The following THSD7A variants were observed in gnomAD, a reference collection of about 807,000 sequenced individuals.
THSD7A encodes thrombospondin type 1 domain containing 7A.
Under a neutral mutation model 231.3 loss-of-function variants are expected in THSD7A, and 96 were observed. That is an observed-to-expected ratio of 0.41 (90% CI 0.35 to 0.49). The LOEUF (loss-of-function observed/expected upper bound fraction) is 0.49. Ranked by LOEUF, THSD7A falls within the 20% of genes least tolerant of loss-of-function variation. THSD7A has a pLI of 0.05. For synonymous variants in THSD7A, 940 were observed against 743.3 expected, an observed-to-expected ratio of 1.26 and a Z score of -4.30; for missense variants, 2,290 against 2,070.2, an observed-to-expected ratio of 1.11 and a Z score of -2.06.
intron 6 of THSD7A, among the ~76,000 whole-genome samples, chr7:11,530,547 A>AGTG (rs1788662017): frequency 6.6e-6 from 1 of 152,212 alleles, no homozygotes; most frequent in African/African-American, 2.4e-5. Context: ...TAGAAGGAAT[A>AGTG]GTGGGGAATA....
Position 11,684,421 on chromosome 7 carries a change from GA to G in THSD7A, c.191-47461del, listed in dbSNP as rs542162778. Among the ~76,000 whole-genome samples the G allele has an allele frequency of 1.6e-3, 212 of 135,242 alleles. 1 individual carries two copies. Among genetic ancestry groups the G allele is most frequent in the African/African-American group, 3.5e-3 (129 of 37,036 alleles). The allele number at this position is 135,242 out of a possible 152,430, so 88.7% of individuals were successfully genotyped here. On this transcript the variant is annotated intron_variant, in intron 1 of 27. Transcript: ENST00000423059. ...TGAAAAAAAAAAAGACATTGAAATA[GA>G]AAAAAAAAAAGGAAGTAGAATCATC...
intron 1 of THSD7A, among the ~76,000 whole-genome samples, chr7:11,702,314 G>A (rs965319278): frequency 1.3e-5 from 2 of 151,176 alleles, no homozygotes; most frequent in African/African-American, 4.8e-5. Flanking sequence ...AAAAATCCAC[G>A]ACCAAGCTCA....
At chr7:11,639,943 A>C (rs1782016971) in intron 1 of THSD7A, among the ~76,000 whole-genome samples, 1 of 152,206 alleles carries the variant, frequency 6.6e-6, no homozygotes, top group Non-Finnish European at 1.5e-5. Context: ...ACCAAATTTT[A>C]GCAAAAAATC....
chr7:11,769,153 A>ATATATATATATT, intron 1 of THSD7A, among the ~76,000 whole-genome samples: 16 of 27,648 alleles, frequency 5.8e-4, no homozygotes, highest in African/African-American at 1.6e-3. Flanking sequence ...ATATATATAT[A>ATATATATATATT]TTTTTTTTTT....
Position 11,401,692 on chromosome 7 carries a change from G to A in THSD7A, c.4411+103C>T, listed in dbSNP as rs548616909. ...CTCCCAAAGCGTTGGGATTACAGGC[G>A]TGAGCCACCGCACGTGGCCAACTTT... is the stretch of plus-strand genomic sequence containing the variant. On this transcript the variant is annotated intron_variant, in intron 23 of 27. Coordinates refer to ENST00000423059, the MANE Select transcript of THSD7A (RefSeq NM_015204.3). 148 of 1,098,272 alleles carry A rather than the reference G, an allele frequency of 1.3e-4. No homozygotes were observed. In the African/African-American group the frequency reaches 1.9e-3, roughly 14 times the overall value. The allele number at this position is 1,098,272 out of a possible 1,614,324, so 68.0% of individuals were successfully genotyped here. A position where few individuals can be genotyped will look rare whatever the true frequency, so the allele number is the denominator to read the frequency against.
Position 11,590,332 on chromosome 7 carries a change from A to C in THSD7A, c.1453+128T>G. The C allele has an allele frequency of 1.1e-6, 1 of 891,252 alleles. No individual in the cohort carries two copies. The highest frequency in any genetic ancestry group is 2.3e-5 in the South Asian group (1 of 43,354). 55.2% of individuals were successfully genotyped at this position (891,252 alleles called of 1,614,324 possible). On this transcript the variant is annotated intron_variant, in intron 4 of 27. Transcript: ENST00000423059. The surrounding 1 kb of genome is among the most constrained non-coding windows in gnomAD (Gnocchi z 4.4). Reference sequence around the variant, plus strand: ...TGTGGATTACTGTTTACCATAGTGAATACCAACCACAATGTGAACAGAAAT... The same window carrying C: ...TGTGGATTACTGTTTACCATAGTGACTACCAACCACAATGTGAACAGAAAT...
intron 1 of THSD7A, among the ~76,000 whole-genome samples, chr7:11,677,956 C>T (rs1783708045): frequency 6.6e-6 from 1 of 152,108 alleles, no homozygotes; most frequent in African/African-American, 2.4e-5. Flanking sequence ...TAAAACACTC[C>T]TCAGCAAATG....
At chr7:11,418,096 T>C (rs376713211) in intron 16 of THSD7A, among the ~76,000 whole-genome samples, 4 of 152,174 alleles carry the variant, frequency 2.6e-5, no homozygotes, top group Admixed American at 2.6e-4. Context: ...CTGAAATCTC[T>C]AAGTGGGAGA....
chr7:11,626,831 A>G lies in THSD7A; in HGVS notation c.1022+9299T>C, dbSNP rs1031439176. 6.6e-5 allele frequency among the ~76,000 whole-genome samples: 10 copies of G among 152,278 alleles called. No homozygotes were observed. The East Asian group carries it at 1.9e-3, about 29-fold the overall frequency. ...AGCAATTATTTAGTGTTAACCAGGA[A>G]CAATAATATTGAAATAATATTCTCA... On this transcript the variant is annotated intron_variant, in intron 2 of 27. Transcript: ENST00000423059.
At chr7:11,424,868 G>A in intron 15 of THSD7A, 39 bp from the exon 16 acceptor site, 1 of 1,611,980 alleles carries the variant, frequency 6.2e-7, no homozygotes. Flanking sequence ...CAGGGAATCT[G>A]GTAAGAGTGA....
At chr7:11,596,834 C>T (rs1026969683) in intron 2 of THSD7A, among the ~76,000 whole-genome samples, 1 of 152,248 alleles carries the variant, frequency 6.6e-6, no homozygotes, top group African/African-American at 2.4e-5. Context: ...ATTAACACAT[C>T]TCCTGACACC....
At chr7:11,747,079 A>G (rs1470002716) in intron 1 of THSD7A, among the ~76,000 whole-genome samples, 1 of 151,908 alleles carries the variant, frequency 6.6e-6, no homozygotes, top group Non-Finnish European at 1.5e-5. Flanking sequence ...AAAGACATGT[A>G]TTTTCACCTT....
intron 1 of THSD7A, among the ~76,000 whole-genome samples, chr7:11,733,242 G>A (rs904736537): frequency 1.3e-5 from 2 of 151,784 alleles, no homozygotes; most frequent in Non-Finnish European, 1.5e-5. Flanking sequence ...GACTGTAAGT[G>A]TAAGCTATTC....
chr7:11,600,469 A>C (rs1008580060), intron 2 of THSD7A, among the ~76,000 whole-genome samples: 4 of 152,152 alleles, frequency 2.6e-5, no homozygotes, highest in Non-Finnish European at 5.9e-5. Flanking sequence ...TTGTACTTTA[A>C]TTAAAGGGAT....
intron 1 of THSD7A, among the ~76,000 whole-genome samples, chr7:11,692,085 T>C (rs1780250449): frequency 6.6e-6 from 1 of 151,446 alleles, no homozygotes. Flanking sequence ...GCTGCTTGTG[T>C]AGGGTGAGAT....
chr7:11,376,555 T>C lies in THSD7A; in HGVS notation c.4889+15A>G. On this transcript the variant is annotated intron_variant, in intron 27 of 27. Coordinates refer to ENST00000423059, the MANE Select transcript of THSD7A (RefSeq NM_015204.3). Reference sequence around the variant, plus strand: ...TTAAGTATCTCTTTGGATTTTTAATTATTTAAACACTCACCAAGCTAGATA... The same window carrying C: ...TTAAGTATCTCTTTGGATTTTTAATCATTTAAACACTCACCAAGCTAGATA... 6.5e-7 allele frequency: 1 copy of C among 1,549,940 alleles called. No homozygotes were observed. Among genetic ancestry groups the C allele is most frequent in the African/African-American group, 1.4e-5 (1 of 73,152 alleles).
chr7:11,542,533 T>C (rs1789196427), intron 5 of THSD7A, among the ~76,000 whole-genome samples: 1 of 152,236 alleles, frequency 6.6e-6, no homozygotes, highest in East Asian at 1.9e-4. Flanking sequence ...GGTCAGGCAC[T>C]GAACTAAGTG....
intron 6 of THSD7A, among the ~76,000 whole-genome samples, chr7:11,505,857 G>C (rs184210227): frequency 6.6e-6 from 1 of 152,100 alleles, no homozygotes; most frequent in Non-Finnish European, 1.5e-5. Context: ...TAACTATGGG[G>C]CTCATTATCT....
chr7:11,689,427 T>C (rs1179095572), intron 1 of THSD7A, among the ~76,000 whole-genome samples: 1 of 151,846 alleles, frequency 6.6e-6, no homozygotes, highest in Non-Finnish European at 1.5e-5. Flanking sequence ...TTCTGTGACC[T>C]TGGCCTTGTC....
Sources: allele counts gnomAD v4.1 joint callset (sites outside exome capture counted in the v4.1 genomes callset), GRCh38; gene constraint gnomAD v4.1.1; non-coding constraint Gnocchi (gnomAD v3.1); transcripts MANE v1.5; gene names NCBI Gene and HGNC (gene_info 2026-07-23, HGNC 2026-07-21).